Variants in CDH13 observed in about 807,000 individuals in gnomAD.
The protein encoded by CDH13 is cadherin 13.
Under a neutral mutation model 63.8 loss-of-function variants are expected in CDH13, and 24 were observed. The observed-to-expected ratio is 0.38, with a 90% confidence interval of 0.27 to 0.53. CDH13 has a LOEUF of 0.53. Among genes scored for constraint, CDH13 ranks in the 20% least tolerant of loss-of-function variants. The pLI is 0.85. For missense variants in CDH13, 1,049 were observed against 903.1 expected (o/e 1.16, Z -2.07); for synonymous variants, 503 against 355.3 (o/e 1.42, Z -4.67).
intron 5 of CDH13, among the ~76,000 whole-genome samples, chr16:83,232,497 G>C (rs535209933): frequency 1.3e-5 from 2 of 150,372 alleles, no homozygotes; most frequent in Admixed American, 6.6e-5. Flanking sequence ...CTGCACTCCA[G>C]CCTGGGCAAC....
chr16:83,015,713 A>ATATATG (rs1914720273), intron 2 of CDH13, among the ~76,000 whole-genome samples: 1 of 125,898 alleles, frequency 7.9e-6, no homozygotes, highest in Non-Finnish European at 1.7e-5. Flanking sequence ...ATATATATAT[A>ATATATG]TATATATATA....
At chr16:82,636,744 C>T (rs901955698) in intron 1 of CDH13, among the ~76,000 whole-genome samples, 1 of 152,156 alleles carries the variant, frequency 6.6e-6, no homozygotes, top group Non-Finnish European at 1.5e-5. Context: ...TAAAGAAACA[C>T]CCAAACCAGA....
chr16:82,971,003 G>A (rs1908658215), intron 2 of CDH13, among the ~76,000 whole-genome samples: 1 of 152,164 alleles, frequency 6.6e-6, no homozygotes, highest in Non-Finnish European at 1.5e-5. Context: ...ATCCATAGCA[G>A]ACACTGTAGG....
chr16:83,420,658 G>C (rs1225216866), intron 6 of CDH13, among the ~76,000 whole-genome samples: 3 of 152,192 alleles, frequency 2.0e-5, no homozygotes, highest in African/African-American at 7.2e-5. Context: ...ATTTATCAGA[G>C]ATAATTCACC....
At chr16:83,646,712 A>AAAAAAACAAAC (rs1168012793) in intron 8 of CDH13, among the ~76,000 whole-genome samples, 1 of 80,490 alleles carries the variant, frequency 1.2e-5, no homozygotes, top group Non-Finnish European at 2.4e-5. Flanking sequence ...AAAAAAAAAA[A>AAAAAAACAAAC]ACACACACAC....
chr16:83,624,264 A>G (rs547291527), intron 8 of CDH13, among the ~76,000 whole-genome samples: 2 of 152,188 alleles, frequency 1.3e-5, no homozygotes, highest in African/African-American at 4.8e-5. Context: ...ACTCTCATAG[A>G]AAGACTTTTG....
chr16:83,180,741 G>A (rs561310959), intron 4 of CDH13: 4 of 645,960 alleles, frequency 6.2e-6, no homozygotes, highest in East Asian at 2.8e-5. Flanking sequence ...CTAGAAAAAC[G>A]GTCACTCTAG....
intron 2 of CDH13, among the ~76,000 whole-genome samples, chr16:82,926,284 C>CAAA (rs528860186): frequency 0.02 from 2,423 of 118,372 alleles, 66 homozygotes; most frequent in African/African-American, 0.07. Context: ...ACGTTATTTC[C>CAAA]AAAAAAAAAA....
intron 7 of CDH13, among the ~76,000 whole-genome samples, chr16:83,554,230 A>T (rs959339496): frequency 2.0e-4 from 31 of 152,222 alleles, no homozygotes; most frequent in Non-Finnish European, 4.4e-4. Context: ...TAAAAAAAAA[A>T]TAGGCAATGG....
chr16:83,660,961 T>C (rs888189889), intron 8 of CDH13, among the ~76,000 whole-genome samples: 2 of 152,156 alleles, frequency 1.3e-5, no homozygotes, highest in Non-Finnish European at 2.9e-5. Flanking sequence ...TGCTCTTTGG[T>C]TTTTATTTTT....
chr16:83,513,019 TAAAAG>T (rs67142009), intron 7 of CDH13, among the ~76,000 whole-genome samples: 55,567 of 146,468 alleles, frequency 0.38, 10,630 homozygotes, highest in Admixed American at 0.43. Flanking sequence ...TGGGAATAAA[TAAAAG>T]AAGAAAAAAA....
chr16:83,456,786 A>T (rs1295941045), intron 6 of CDH13, among the ~76,000 whole-genome samples: 2 of 151,916 alleles, frequency 1.3e-5, no homozygotes, highest in African/African-American at 4.8e-5. Flanking sequence ...ATATGGCAAA[A>T]CCCCGTCTCT....
intron 6 of CDH13, among the ~76,000 whole-genome samples, chr16:83,447,095 C>CTTTTTTTTTT (rs2072720961): frequency 1.7e-5 from 1 of 57,284 alleles, no homozygotes; most frequent in Non-Finnish European, 4.1e-5. Flanking sequence ...CTTATAGTAA[C>CTTTTTTTTTT]CTTTTTTTTT....
chr16:82,794,164 A>AT (rs958202270), intron 1 of CDH13, among the ~76,000 whole-genome samples: 7 of 149,624 alleles, frequency 4.7e-5, no homozygotes, highest in African/African-American at 1.7e-4. Context: ...TTTTTTTGCA[A>AT]TTTTTTTTCT....
intron 13 of CDH13, among the ~76,000 whole-genome samples, chr16:83,788,399 T>C (rs952139343): frequency 1.3e-5 from 2 of 152,072 alleles, no homozygotes; most frequent in Non-Finnish European, 2.9e-5. Context: ...TTTTATACAA[T>C]ATTTTTATAA....
intron 2 of CDH13, among the ~76,000 whole-genome samples, chr16:82,942,206 G>A (rs569125027): frequency 6.6e-6 from 1 of 152,246 alleles, no homozygotes; most frequent in South Asian, 2.1e-4. Context: ...AGTTAATTTT[G>A]TGTATGGTGT....
intron 6 of CDH13, among the ~76,000 whole-genome samples, chr16:83,434,902 C>G (rs1391640497): frequency 7.2e-5 from 4 of 55,550 alleles, no homozygotes; most frequent in Non-Finnish European, 1.5e-4. Context: ...TAAAATAAAC[C>G]CCTATTTTAT....
intron 1 of CDH13, among the ~76,000 whole-genome samples, chr16:82,827,007 C>G (rs905209190): frequency 2.6e-5 from 4 of 152,146 alleles, no homozygotes; most frequent in African/African-American, 9.7e-5. Flanking sequence ...ATTCATCCAG[C>G]CCCTGGCATG....
At chr16:82,702,396 C>A (rs1472514233) in intron 1 of CDH13, among the ~76,000 whole-genome samples, 2 of 152,182 alleles carry the variant, frequency 1.3e-5, no homozygotes, top group Non-Finnish European at 2.9e-5. Flanking sequence ...TAGACACTGA[C>A]AGTGTGACAG....
Sources: gnomAD v4.1 joint callset for allele counts (sites outside exome capture counted in the v4.1 genomes callset) on GRCh38, gnomAD v4.1.1 for gene constraint, MANE v1.5 for transcripts, NCBI Gene and HGNC (gene_info 2026-07-23, HGNC 2026-07-21) for gene names.